Variants in BCAT1 observed in about 807,000 individuals in gnomAD.
The protein encoded by BCAT1 is branched chain amino acid transaminase 1, also known as branched-chain-amino-acid aminotransferase, cytosolic.
In BCAT1, 48 loss-of-function variants were observed where a neutral mutation model predicts 52.4. The ratio of observed to expected loss-of-function variants is 0.92; its 90% CI spans 0.73 to 1.16. The LOEUF (loss-of-function observed/expected upper bound fraction) is 1.16, where lower values mean the gene tolerates loss of function less well. Among genes scored for constraint, BCAT1 ranks in the 50% most tolerant of loss-of-function variants. BCAT1 has a pLI of 0.00. For missense variants in BCAT1, 451 were observed against 457.1 expected (o/e 0.99, Z 0.12); for synonymous variants, 167 against 161.3 (o/e 1.04, Z -0.27).
At chr12:24,938,123 C>G (rs531300033) in intron 1 of BCAT1, among the ~76,000 whole-genome samples, 1 of 152,210 alleles carries the variant, frequency 6.6e-6, no homozygotes, top group East Asian at 1.9e-4. Flanking sequence ...GCCAGAGGGA[C>G]TGGGGTGTCT....
intron 3 of BCAT1, among the ~76,000 whole-genome samples, chr12:24,886,685 G>A (rs1942669286): frequency 6.6e-6 from 1 of 151,906 alleles, no homozygotes; most frequent in Admixed American, 6.6e-5. Flanking sequence ...AATATTCTGA[G>A]GGAAAACTGT....
chr12:24,926,472 A>C (rs1053907143), intron 1 of BCAT1, among the ~76,000 whole-genome samples: 2 of 152,280 alleles, frequency 1.3e-5, no homozygotes, highest in Non-Finnish European at 1.5e-5. Context: ...CCAACAGCTC[A>C]TTGAGAACGG....
intron 7 of BCAT1, among the ~76,000 whole-genome samples, chr12:24,839,335 A>G (rs2139423596): frequency 6.6e-6 from 1 of 152,304 alleles, no homozygotes; most frequent in Non-Finnish European, 1.5e-5. Flanking sequence ...GTCCGTATAC[A>G]CGCCTGACGT....
chr12:24,824,304 T>C (rs28459289), intron 10 of BCAT1, among the ~76,000 whole-genome samples: 2 of 92,804 alleles, frequency 2.2e-5, no homozygotes, highest in South Asian at 3.8e-4. Flanking sequence ...CCCTCCCTCC[T>C]TCCTTTCGAG....
intron 3 of BCAT1, among the ~76,000 whole-genome samples, chr12:24,890,830 T>A (rs1413964350): frequency 1.3e-5 from 2 of 152,230 alleles, no homozygotes; most frequent in African/African-American, 4.8e-5. Context: ...ACTTTCTTAA[T>A]AAATTTTATT....
In BCAT1 at chr12:24,902,876, C is replaced by T. The variant is rs1193376816; in HGVS notation, c.7-991G>A. On this transcript the variant is annotated intron_variant, in intron 1 of 10. Coordinates refer to ENST00000261192, the MANE Select transcript of BCAT1 (RefSeq NM_005504.7). The stretch of plus-strand genomic sequence containing the variant: ...CAGGAAACGGCGACAAGGCGCCCGG[C>T]CAGGCCCGCGAGCTACCGAGACCCG... 6 of 1,507,902 alleles carry T rather than the reference C, an allele frequency of 4.0e-6. No homozygotes were observed. The East Asian group carries it at 1.4e-4, about 35-fold the overall frequency. The allele number at this position is 1,507,902 out of a possible 1,614,324, so 93.4% of individuals were successfully genotyped here. A position where few individuals can be genotyped will look rare whatever the true frequency, so the allele number is the denominator to read the frequency against.
At chr12:24,841,315 A>G (rs926771175) in intron 7 of BCAT1, among the ~76,000 whole-genome samples, 2 of 152,248 alleles carry the variant, frequency 1.3e-5, no homozygotes, top group African/African-American at 4.8e-5. Flanking sequence ...TAAAACAATT[A>G]CAGCCAGAGA....
Position 24,814,855 on chromosome 12 carries a change from A to C in BCAT1, c.*3153T>G, listed in dbSNP as rs1343567035. 1.3e-5 allele frequency: 2 copies of C among 150,688 alleles called. No homozygotes were observed. Among genetic ancestry groups the C allele is most frequent in the African/African-American group, 4.9e-5 (2 of 40,838 alleles). The allele number at this position is 150,688 out of a possible 1,614,324, so 9.3% of individuals were successfully genotyped here. A position where few individuals can be genotyped will look rare whatever the true frequency, so the allele number is the denominator to read the frequency against. ...TTTTTCTTACAGCAATCTTTTGAGA[A>C]AAGAATAGAGAATGTTTACCAGGTA... On this transcript the variant is annotated 3_prime_UTR_variant, in exon 11 of 11. Coordinates refer to ENST00000261192, the MANE Select transcript of BCAT1 (RefSeq NM_005504.7).
At chr12:24,830,012 A>G in intron 9 of BCAT1, 115 bp from the exon 10 acceptor site, 1 of 692,954 alleles carries the variant, frequency 1.4e-6, no homozygotes, top group Non-Finnish European at 2.3e-6. Flanking sequence ...GTTAAGGAAT[A>G]GCACTAAAAC....
intron 9 of BCAT1, among the ~76,000 whole-genome samples, chr12:24,832,340 TAC>T (rs755776461): frequency 4.0e-5 from 6 of 151,868 alleles, no homozygotes; most frequent in Non-Finnish European, 7.4e-5. Context: ...TATATGCTAA[TAC>T]AGTTTCATCT....
At chr12:24,891,582 A>G (rs1260995850) in intron 3 of BCAT1, among the ~76,000 whole-genome samples, 2 of 152,194 alleles carry the variant, frequency 1.3e-5, no homozygotes, top group Non-Finnish European at 2.9e-5. Context: ...CAAAACATTT[A>G]TTTTACTTAT....
At position 24,881,377 on chromosome 12, in the gene BCAT1, T is replaced by A; in HGVS notation, c.314A>T (p.Asp105Val). 6.2e-7 allele frequency: 1 copy of A among 1,613,112 alleles called. No homozygotes were observed. The highest frequency in any genetic ancestry group is 8.5e-7 in the Non-Finnish European group (1 of 1,179,120). The change falls in exon 4 of 11, where the codon GAT becomes GTT. Residue 105 changes from aspartate to valine, a missense_variant. Asp to Val is a radical substitution (Grantham distance 152, BLOSUM62 -3). Coordinates refer to ENST00000261192, the MANE Select transcript of BCAT1 (RefSeq NM_005504.7). ...FEGLKAFRGV[D>V]NKIRLFQPNL... ...TGGCTGAAACAGTCGAATTTTATTA[T>A]CTACTCCTCGAAATGCCTTCAATCC...
chr12:24,898,520 CTTTTTTTTTTTTTTTTT>C (rs71448094), intron 2 of BCAT1, among the ~76,000 whole-genome samples: 4 of 38,536 alleles, frequency 1.0e-4, no homozygotes, highest in Non-Finnish European at 1.7e-4. Context: ...TCAGTCAACA[CTTTTTTTTTTTTTTTTT>C]TTTTTTTTTG....
At chr12:24,938,173 G>T (rs71450461) in intron 1 of BCAT1, among the ~76,000 whole-genome samples, 24,216 of 152,040 alleles carry the variant, frequency 0.16, 2,475 homozygotes, top group Non-Finnish European at 0.22. Context: ...CAGACTCCTG[G>T]TCTGAGTAGC....
chr12:24,910,419 AAATAAATT>A (rs374632027), intron 1 of BCAT1, among the ~76,000 whole-genome samples: 1,575 of 120,278 alleles, frequency 0.013, 29 homozygotes, highest in African/African-American at 0.042. Context: ...ATAAATAAAT[AAATAAATT>A]ATTGTTTTAA....
chr12:24,941,236 G>A (rs1943843164), intron 1 of BCAT1, among the ~76,000 whole-genome samples: 2 of 152,142 alleles, frequency 1.3e-5, no homozygotes, highest in Admixed American at 1.3e-4. Context: ...AAATCAACCA[G>A]CTATGTGAGT....
chr12:24,857,652 T>G (rs1941728576), intron 5 of BCAT1, among the ~76,000 whole-genome samples: 1 of 152,224 alleles, frequency 6.6e-6, no homozygotes, highest in African/African-American at 2.4e-5. Flanking sequence ...TAGAAAAAAC[T>G]GAGGGAGCAC....
At chr12:24,919,447 C>G (rs1389167042) in intron 1 of BCAT1, among the ~76,000 whole-genome samples, 1 of 152,146 alleles carries the variant, frequency 6.6e-6, no homozygotes, top group East Asian at 1.9e-4. Context: ...TATCTAGTAT[C>G]TAGTAGATAA....
chr12:24,918,444 T>C (rs936911106), intron 1 of BCAT1, among the ~76,000 whole-genome samples: 3 of 152,158 alleles, frequency 2.0e-5, no homozygotes, highest in African/African-American at 7.2e-5. Flanking sequence ...AACATATCCA[T>C]ATAAATATAA....
Sources: allele counts gnomAD v4.1 joint callset (sites outside exome capture counted in the v4.1 genomes callset), GRCh38; gene constraint gnomAD v4.1.1; transcripts MANE v1.5; gene names NCBI Gene and HGNC (gene_info 2026-07-23, HGNC 2026-07-21).